The following EXOC4 variants were observed in gnomAD, a reference collection of about 807,000 sequenced individuals.
The protein encoded by EXOC4 is exocyst complex component 4, also known as SEC8-like 1.
Under a neutral mutation model 107.2 loss-of-function variants are expected in EXOC4, and 71 were observed. The observed-to-expected ratio is 0.66, with a 90% CI of 0.55 to 0.81. The LOEUF is 0.81. Among genes scored for constraint, EXOC4 ranks in the 30% least tolerant of loss-of-function variants. The pLI, the probability that EXOC4 is intolerant of heterozygous loss-of-function variation, is 0.00. For synonymous variants in EXOC4, 456 were observed against 441.2 expected (o/e 1.03, Z -0.42); for missense variants, 1,108 against 1,189.6 (o/e 0.93, Z 1.01).
At chr7:134,064,191 A>T in intron 17 of EXOC4, 100 bp from the exon 18 acceptor site, 1 of 695,528 alleles carries the variant, frequency 1.4e-6, no homozygotes, top group Non-Finnish European at 2.3e-6. Flanking sequence ...AATCGTTATG[A>T]AGTAAGTAGA....
At chr7:133,881,191 G>A (rs1798958650) in intron 11 of EXOC4, among the ~76,000 whole-genome samples, 1 of 152,002 alleles carries the variant, frequency 6.6e-6, no homozygotes, top group Non-Finnish European at 1.5e-5. Flanking sequence ...ATGTATGTAT[G>A]TCATAAAAGG....
intron 2 of EXOC4, among the ~76,000 whole-genome samples, chr7:133,283,286 G>T (rs1461617371): frequency 6.6e-6 from 1 of 152,106 alleles, no homozygotes; most frequent in Non-Finnish European, 1.5e-5. Flanking sequence ...GGTTGCCCAG[G>T]CTGGTTTCAA....
intron 7 of EXOC4, among the ~76,000 whole-genome samples, chr7:133,428,169 A>G (rs374316729): frequency 5.9e-5 from 9 of 152,262 alleles, no homozygotes; most frequent in African/African-American, 2.2e-4. Context: ...AGCATAGAGA[A>G]TGTCCTGATT....
chr7:133,855,828 G>A (rs569919177), intron 11 of EXOC4, among the ~76,000 whole-genome samples: 1 of 152,296 alleles, frequency 6.6e-6, no homozygotes, highest in South Asian at 2.1e-4. Flanking sequence ...ATCTACAGAT[G>A]TAGACTGCAT....
intron 9 of EXOC4, among the ~76,000 whole-genome samples, chr7:133,613,845 A>C (rs1199226124): frequency 6.6e-6 from 1 of 152,182 alleles, no homozygotes; most frequent in African/African-American, 2.4e-5. Context: ...CTACTATAAG[A>C]AAGGCATACC....
rs1374405191 is a variant in EXOC4, at chr7:133,906,788, T to C, written c.1872-10795T>C. On this transcript the variant is annotated intron_variant, in intron 12 of 17. Coordinates refer to ENST00000253861, the MANE Select transcript of EXOC4 (RefSeq NM_021807.4). The stretch of plus-strand genomic sequence containing the variant: ...TGCTCCTGATCCACCAAGGGGCCTA[T>C]TGCCGCCCCCGATCGGGCTAAAGGC... Among the ~76,000 whole-genome samples the C allele has an allele frequency of 2.0e-5, 3 of 152,198 alleles. No individual in the cohort carries two copies. In the East Asian group the frequency reaches 5.8e-4, roughly 29 times the overall value.
intron 9 of EXOC4, among the ~76,000 whole-genome samples, chr7:133,536,675 C>G (rs1469134547): frequency 6.6e-6 from 1 of 151,846 alleles, no homozygotes; most frequent in Non-Finnish European, 1.5e-5. Context: ...AGTGATGTAA[C>G]AAGACAGAAT....
intron 11 of EXOC4, among the ~76,000 whole-genome samples, chr7:133,822,458 A>C (rs987743523): frequency 2.0e-5 from 3 of 152,198 alleles, no homozygotes; most frequent in Non-Finnish European, 4.4e-5. Context: ...GCAACTATCT[A>C]TGTGAACAAA....
intron 5 of EXOC4, among the ~76,000 whole-genome samples, chr7:133,322,955 GTA>G (rs1194804239): frequency 1.1e-4 from 16 of 152,296 alleles, no homozygotes; most frequent in Admixed American, 3.9e-4. Context: ...GTATCCCTAA[GTA>G]TTTTATTCTC....
chr7:133,979,259 T>A (rs1177841036), intron 14 of EXOC4, among the ~76,000 whole-genome samples: 1 of 152,148 alleles, frequency 6.6e-6, no homozygotes, highest in Non-Finnish European at 1.5e-5. Flanking sequence ...CTGTTTAGAT[T>A]CAGAATCATT....
At position 133,475,470 on chromosome 7, in the gene EXOC4, T is replaced by G. The variant is rs1225749696; in HGVS notation, c.1325T>G (p.Phe442Cys). Residue 442 changes from phenylalanine to cysteine, a missense_variant, in exon 8 of 18, where the codon TTC (phenylalanine) becomes TGC (cysteine). Phe to Cys is a radical substitution (Grantham distance 205). Transcript: ENST00000253861. ...CCTCAAAGGCCAAAAAATTCTCTTT[T>G]CAAGTAAGTATTATTCTGCTGTTAA... ...KKPQRPKNSL[F>C]KFESSSHAIS... is the part of the protein sequence containing the mutation. The G allele has an allele frequency of 6.2e-7, 1 of 1,613,928 alleles. No homozygotes were observed. Among genetic ancestry groups the G allele is most frequent in the Non-Finnish European group, 8.5e-7 (1 of 1,179,888 alleles).
At chr7:133,500,257 A>C (rs894522605) in intron 9 of EXOC4, among the ~76,000 whole-genome samples, 1 of 152,210 alleles carries the variant, frequency 6.6e-6, no homozygotes, top group African/African-American at 2.4e-5. Flanking sequence ...GAACATTTTC[A>C]TTACCTAGAA....
intron 14 of EXOC4, among the ~76,000 whole-genome samples, chr7:133,968,368 T>C (rs1423830326): frequency 1.3e-5 from 2 of 152,186 alleles, no homozygotes; most frequent in Non-Finnish European, 1.5e-5. Flanking sequence ...ATGTGTGAAT[T>C]TGATCCTGTC....
chr7:133,552,601 ACT>A (rs1425164943), intron 9 of EXOC4, among the ~76,000 whole-genome samples: 2 of 151,980 alleles, frequency 1.3e-5, no homozygotes, highest in East Asian at 1.9e-4. Context: ...GTTTCTGCAG[ACT>A]CTGTTTGCTG....
chr7:133,884,095 AT>A (rs1391456060), intron 11 of EXOC4, among the ~76,000 whole-genome samples: 1 of 152,196 alleles, frequency 6.6e-6, no homozygotes, highest in East Asian at 1.9e-4. Flanking sequence ...GTCATGAAAC[AT>A]TTGTGAAGCC....
chr7:134,005,456 T>C (rs1794624190), intron 16 of EXOC4, among the ~76,000 whole-genome samples: 1 of 152,174 alleles, frequency 6.6e-6, no homozygotes, highest in African/African-American at 2.4e-5. Context: ...AGATCACTCA[T>C]TGGCTAAAAT....
chr7:133,834,639 A>G (rs1381620968), intron 11 of EXOC4, among the ~76,000 whole-genome samples: 2 of 152,254 alleles, frequency 1.3e-5, no homozygotes, highest in African/African-American at 4.8e-5. Flanking sequence ...ATAGGGTGGA[A>G]GGAGTATGAG....
intron 9 of EXOC4, among the ~76,000 whole-genome samples, chr7:133,617,170 C>T (rs1337327223): frequency 1.3e-5 from 2 of 152,094 alleles, no homozygotes; most frequent in Non-Finnish European, 2.9e-5. Flanking sequence ...GTATTCTGCT[C>T]TATATTAATT....
intron 9 of EXOC4, among the ~76,000 whole-genome samples, chr7:133,518,616 A>C (rs1051825992): frequency 6.6e-6 from 1 of 152,182 alleles, no homozygotes; most frequent in Non-Finnish European, 1.5e-5. Flanking sequence ...GGATAAATGG[A>C]AAAATAAAAT....
Sources: allele counts gnomAD v4.1 joint callset (sites outside exome capture counted in the v4.1 genomes callset), GRCh38; gene constraint gnomAD v4.1.1; transcripts MANE v1.5; gene names NCBI Gene and HGNC (gene_info 2026-07-23, HGNC 2026-07-21).